Variants in DMD observed in about 807,000 individuals in gnomAD.
DMD encodes the protein dystrophin, also known as mutant dystrophin.
In DMD, 63 loss-of-function variants were observed where a neutral mutation model predicts 330.1. The ratio of observed to expected loss-of-function variants is 0.19; its 90% CI spans 0.16 to 0.24. The LOEUF is 0.24. Ranked by LOEUF, DMD falls within the 10% of genes least tolerant of loss-of-function variation. DMD has a pLI of 1.00. For synonymous variants in DMD, 1,223 were observed against 959.8 expected (o/e 1.27, Z -5.07); for missense variants, 3,344 against 2,684.1 (o/e 1.25, Z -5.43).
chrX:32,996,401 G>A (rs867946021), intron 2 of DMD, among the ~76,000 whole-genome samples: 1 of 111,651 alleles, frequency 9.0e-6, no homozygotes, highest in Non-Finnish European at 1.9e-5. Flanking sequence ...TTTTAGTATT[G>A]TTTTCTGAGG....
chrX:31,228,754 C>G (rs2147147370), intron 63 of DMD, among the ~76,000 whole-genome samples: 1 of 112,086 alleles, frequency 8.9e-6, no homozygotes, highest in South Asian at 3.8e-4. Context: ...AGCCGGAACT[C>G]AAGAGGAGTG....
chrX:32,651,215 T>A (rs1602532749), intron 9 of DMD, among the ~76,000 whole-genome samples: 1 of 110,144 alleles, frequency 9.1e-6, no homozygotes, highest in Admixed American at 9.7e-5. Flanking sequence ...GGATCTCGGC[T>A]CACTGCAGCC....
At chrX:31,824,730 G>A (rs1195748610) in intron 49 of DMD, among the ~76,000 whole-genome samples, 1 of 110,403 alleles carries the variant, frequency 9.1e-6, no homozygotes, top group African/African-American at 3.3e-5. Context: ...TTTGCTAATC[G>A]GTTATTAAAC....
chrX:32,848,519 A>G (rs2149006795), intron 3 of DMD, among the ~76,000 whole-genome samples: 1 of 111,799 alleles, frequency 8.9e-6, no homozygotes, highest in South Asian at 3.7e-4. Flanking sequence ...TATGTCATCA[A>G]GTTGTTCTTC....
intron 29 of DMD, among the ~76,000 whole-genome samples, chrX:32,433,358 C>G (rs749217748): frequency 2.7e-5 from 3 of 111,733 alleles, no homozygotes; most frequent in African/African-American, 9.8e-5. Flanking sequence ...AATATCCTTT[C>G]AATTTCTGTA....
At chrX:32,819,401 TA>T (rs2078034548) in intron 5 of DMD, among the ~76,000 whole-genome samples, 1 of 111,031 alleles carries the variant, frequency 9.0e-6, no homozygotes, top group East Asian at 2.8e-4. Context: ...TCACCACTGT[TA>T]GCAAGATTTG....
intron 60 of DMD, among the ~76,000 whole-genome samples, chrX:31,350,866 A>C (rs781499804): frequency 2.4e-4 from 27 of 110,439 alleles, no homozygotes; most frequent in Non-Finnish European, 4.7e-4. Flanking sequence ...TGCCCTCCCC[A>C]ATGTGGGCGG....
intron 45 of DMD, among the ~76,000 whole-genome samples, chrX:31,955,719 A>G (rs1376466613): frequency 8.9e-6 from 1 of 112,428 alleles, no homozygotes; most frequent in African/African-American, 3.2e-5. Context: ...TAGTTTGGGT[A>G]CATGAATAGA....
intron 51 of DMD, among the ~76,000 whole-genome samples, chrX:31,755,566 A>G (rs2088997462): frequency 8.9e-6 from 1 of 111,801 alleles, no homozygotes; most frequent in Non-Finnish European, 1.9e-5. Flanking sequence ...TACCAAAAAT[A>G]ACCTAATAGT....
chrX:31,170,318 T>G (rs993461870), intron 73 of DMD, among the ~76,000 whole-genome samples: 3 of 111,330 alleles, frequency 2.7e-5, no homozygotes, highest in Admixed American at 9.5e-5. Flanking sequence ...ATAATGGTTT[T>G]AAGGACTAAT....
chrX:32,675,821 A>C (rs2061930210), intron 9 of DMD, among the ~76,000 whole-genome samples: 1 of 112,070 alleles, frequency 8.9e-6, no homozygotes, highest in African/African-American at 3.2e-5. Context: ...TAAACATTGA[A>C]TTAATGTATG....
chrX:31,657,087 T>G (rs1212962512), intron 54 of DMD, among the ~76,000 whole-genome samples: 2 of 112,148 alleles, frequency 1.8e-5, no homozygotes, highest in East Asian at 5.6e-4. Flanking sequence ...CTTTTACTTC[T>G]TGTTAAAAAT....
chrX:32,474,353 A>AT (rs960524644), intron 21 of DMD, among the ~76,000 whole-genome samples: 2 of 111,312 alleles, frequency 1.8e-5, no homozygotes, highest in African/African-American at 6.5e-5. Context: ...TTTTTGAATA[A>AT]TGACTTTTTT....
At chrX:33,109,258 A>G (rs1362833195) in intron 1 of DMD, among the ~76,000 whole-genome samples, 1 of 111,634 alleles carries the variant, frequency 9.0e-6, no homozygotes. Context: ...ATCAAGGCCA[A>G]TAATAACGGT....
chrX:31,363,979 C>T (rs2059103507), intron 60 of DMD, among the ~76,000 whole-genome samples: 1 of 112,540 alleles, frequency 8.9e-6, no homozygotes, highest in Non-Finnish European at 1.9e-5. Context: ...ATAAGAGAGT[C>T]CTATTCTATG....
intron 44 of DMD, among the ~76,000 whole-genome samples, chrX:32,122,190 G>T (rs1247236728): frequency 8.9e-6 from 1 of 111,770 alleles, no homozygotes; most frequent in African/African-American, 3.2e-5. Flanking sequence ...GCCTTATATG[G>T]TTTTTCCTAT....
chrX:32,620,931 T>G (rs945472442), intron 11 of DMD, among the ~76,000 whole-genome samples: 3 of 111,695 alleles, frequency 2.7e-5, no homozygotes, highest in African/African-American at 9.8e-5. Context: ...CTTGAAAAAT[T>G]CATTCATTAA....
chrX:31,646,802 G>A (rs2080131603), intron 54 of DMD, among the ~76,000 whole-genome samples: 1 of 111,921 alleles, frequency 8.9e-6, no homozygotes, highest in Non-Finnish European at 1.9e-5. Context: ...GCAATTTCCA[G>A]AACTCCCCTG....
At chrX:31,866,773 G>C (rs1329034656) in intron 48 of DMD, among the ~76,000 whole-genome samples, 1 of 111,446 alleles carries the variant, frequency 9.0e-6, no homozygotes, top group South Asian at 3.7e-4. Context: ...TTTTTGTTAA[G>C]GAAAAAGAGA....
Sources: allele counts gnomAD v4.1 joint callset (sites outside exome capture counted in the v4.1 genomes callset), GRCh38; gene constraint gnomAD v4.1.1; transcripts MANE v1.5; gene names NCBI Gene and HGNC (gene_info 2026-07-23, HGNC 2026-07-21).